Variants in TLN2 observed in about 807,000 individuals in gnomAD.
TLN2 encodes talin-2.
Under a neutral mutation model 294.7 loss-of-function variants are expected in TLN2, and 118 were observed. The observed-to-expected ratio is 0.40, with a 90% CI of 0.34 to 0.47. TLN2 has a LOEUF of 0.47. Among genes scored for constraint, TLN2 ranks in the 20% least tolerant of loss-of-function variants. The probability of loss-of-function intolerance (pLI) is 0.84; values close to 1 mark genes in which losing one functional copy is unlikely to be tolerated. For missense variants in TLN2, 3,083 were observed against 3,282.2 expected (o/e 0.94, Z 1.48); for synonymous variants, 1,431 against 1,304.5 (o/e 1.10, Z -2.09).
Position 62,797,339 on chromosome 15 carries a change from C to T in TLN2, c.6171C>T (p.Thr2057=), listed in dbSNP as rs775809167. The T allele has an allele frequency of 2.5e-6, 4 of 1,613,456 alleles. No homozygotes were observed. The highest frequency in any genetic ancestry group is 3.4e-6 in the Non-Finnish European group (4 of 1,179,990). ...QAAQSSAATI[T]QLAEVVKLGA... ...CCCAGTCCTCAGCAGCCACCATCAC[C>T]CAGCTCGCAGAAGTGGTCAAGCTGG... Residue 2057 remains threonine, a synonymous_variant, in exon 48 of 59, where the codon ACC becomes ACT. Transcript: ENST00000636159.
chr15:62,476,243 G>A (rs901097636), intron 1 of TLN2: 3 of 152,276 alleles, frequency 2.0e-5, no homozygotes, highest in Admixed American at 1.3e-4. Context: ...CCCCAGCAGT[G>A]TTGTTCAGTG....
intron 4 of TLN2, among the ~76,000 whole-genome samples, chr15:62,648,527 G>GTGA (rs139879266): frequency 4.1e-5 from 6 of 146,806 alleles, no homozygotes; most frequent in East Asian, 2.0e-4. Context: ...GGTCTAAAAC[G>GTGA]TGATGATGAT....
At chr15:62,770,941 GC>G in intron 41 of TLN2, 22 bp from the exon 42 acceptor site, 2 of 1,222,090 alleles carry the variant, frequency 1.6e-6, no homozygotes, top group Non-Finnish European at 2.3e-6. Flanking sequence ...TACATCTCTG[GC>G]TTTTTTTTTT....
chr15:62,731,336 G>A (rs371146292), intron 28 of TLN2, among the ~76,000 whole-genome samples: 55 of 150,560 alleles, frequency 3.7e-4, no homozygotes, highest in African/African-American at 1.3e-3. Flanking sequence ...GTCTCCTGGT[G>A]TTTTCTTTTT....
chr15:62,443,609 A>G (rs566949932), intron 1 of TLN2, among the ~76,000 whole-genome samples: 2 of 152,226 alleles, frequency 1.3e-5, no homozygotes, highest in Non-Finnish European at 1.5e-5. Context: ...CATTGGAAAG[A>G]GATTAGATGA....
At chr15:62,548,634 G>A (rs1363396569) in intron 1 of TLN2, among the ~76,000 whole-genome samples, 1 of 152,108 alleles carries the variant, frequency 6.6e-6, no homozygotes, top group Non-Finnish European at 1.5e-5. Flanking sequence ...TGGCAGCCAG[G>A]GGAAATGCCA....
chr15:62,465,407 T>C (rs937199055), intron 1 of TLN2, among the ~76,000 whole-genome samples: 3 of 152,140 alleles, frequency 2.0e-5, no homozygotes, highest in Admixed American at 6.5e-5. Flanking sequence ...ATGATAATTG[T>C]ATGGAGGCAG....
At chr15:62,711,551 T>G (rs192081489) in intron 21 of TLN2, among the ~76,000 whole-genome samples, 1 of 152,358 alleles carries the variant, frequency 6.6e-6, no homozygotes, top group Admixed American at 6.5e-5. Context: ...TTTGTGTAAG[T>G]GGTTTTCAAA....
intron 29 of TLN2, among the ~76,000 whole-genome samples, chr15:62,738,008 C>T (rs991611768): frequency 6.6e-6 from 1 of 152,096 alleles, no homozygotes; most frequent in Non-Finnish European, 1.5e-5. Context: ...TTTGCTGAGA[C>T]AGAATATTAA....
chr15:62,787,345 G>C (rs143718753), intron 45 of TLN2, among the ~76,000 whole-genome samples: 70 of 152,276 alleles, frequency 4.6e-4, no homozygotes, highest in Non-Finnish European at 8.5e-4. Context: ...GTTTTGTTGT[G>C]TTTGAGGCAG....
Position 62,410,415 on chromosome 15 carries a change from A to G in TLN2, c.-238+19730A>G, listed in dbSNP as rs191040549. Among the ~76,000 whole-genome samples the G allele has an allele frequency of 1.2e-3, 176 of 152,342 alleles. 1 individual carries two copies. The highest frequency in any genetic ancestry group is 2.7e-3 in the South Asian group (13 of 4,828). ...AATTTATAGAACTGTATCCCTAAAA[A>G]GGATGAATTTTACTTTACGTAATTA... On this transcript the variant is annotated intron_variant, in intron 1 of 58. Transcript: ENST00000636159.
At chr15:62,794,502 C>T (rs1158189244) in intron 46 of TLN2, among the ~76,000 whole-genome samples, 3 of 152,142 alleles carry the variant, frequency 2.0e-5, no homozygotes, top group Non-Finnish European at 4.4e-5. Context: ...CTAAGAATGT[C>T]TCTCTCCCAG....
chr15:62,551,810 G>T (rs1460768902), intron 1 of TLN2, among the ~76,000 whole-genome samples: 1 of 152,198 alleles, frequency 6.6e-6, no homozygotes. Flanking sequence ...TTTCAGTAGA[G>T]CTTTTAACTG....
At chr15:62,824,170 G>C in intron 54 of TLN2, 2 of 334,868 alleles carry the variant, frequency 6.0e-6, no homozygotes, top group Non-Finnish European at 1.2e-5. Context: ...TATAGCATTT[G>C]AGACCTGTAT....
At chr15:62,576,292 A>G (rs1013576183) in intron 1 of TLN2, among the ~76,000 whole-genome samples, 1 of 152,186 alleles carries the variant, frequency 6.6e-6, no homozygotes, top group African/African-American at 2.4e-5. Flanking sequence ...AAAAATAAAA[A>G]TAAAGCTGTA....
At chr15:62,511,250 G>T (rs1337148248) in intron 1 of TLN2, among the ~76,000 whole-genome samples, 1 of 152,140 alleles carries the variant, frequency 6.6e-6, no homozygotes, top group Admixed American at 6.5e-5. Context: ...GAGTCTATTA[G>T]TGTGTTTTTT....
In TLN2 at chr15:62,708,523, TC is replaced by T. The variant is rs770472273; in HGVS notation, c.2198del (p.Pro733LeufsTer7). ...CAKVVSPTIS[S>X]PVCQEQLIEA... is the part of the protein sequence containing the mutation. ...TCAGGTTGTGAGCCCCACTATTAGC[TC>T]CCCTGTGTGCCAGGAGCAGCTGATT... On this transcript the variant is annotated frameshift_variant, in exon 21 of 59. Coordinates refer to ENST00000636159, the MANE Select transcript of TLN2 (RefSeq NM_015059.3). LOFTEE classifies it high-confidence loss of function. 1 of 1,613,576 alleles carries T rather than the reference TC, an allele frequency of 6.2e-7. No individual in the cohort carries two copies. The highest frequency in any genetic ancestry group is 8.5e-7 in the Non-Finnish European group (1 of 1,179,740).
Position 62,665,070 on chromosome 15 carries a change from T to TTTG in TLN2, c.788+7191_788+7193dup, listed in dbSNP as rs531457039. Among the ~76,000 whole-genome samples the TTTG allele has an allele frequency of 1.9e-3, 283 of 151,904 alleles. 3 individuals are homozygous for TTTG. Among genetic ancestry groups the TTTG allele is most frequent in the African/African-American group, 5.1e-3 (210 of 41,460 alleles). On this transcript the variant is annotated intron_variant, in intron 9 of 58. Transcript: ENST00000636159. Reference sequence around the variant, plus strand: ...TTGAAATGTTTCACACTCAACTATTTTTGTTGTTGTTGTTGTTGTTGAGAC... The same window carrying TTTG: ...TTGAAATGTTTCACACTCAACTATTTTTGTTGTTGTTGTTGTTGTTGTTGAGAC...
intron 1 of TLN2, among the ~76,000 whole-genome samples, chr15:62,508,213 T>TTTTA (rs940243934): frequency 1.2e-4 from 19 of 152,154 alleles, no homozygotes; most frequent in Admixed American, 7.2e-4. Flanking sequence ...TTTAAAATTA[T>TTTTA]TTTATTTATT....
Sources: gnomAD v4.1 joint callset for allele counts (sites outside exome capture counted in the v4.1 genomes callset) on GRCh38, gnomAD v4.1.1 for gene constraint, MANE v1.5 for transcripts, NCBI Gene and HGNC (gene_info 2026-07-23, HGNC 2026-07-21) for gene names.